Variants in PHACTR1 observed in about 807,000 individuals in gnomAD.
PHACTR1 encodes the protein phosphatase and actin regulator 1.
Under a neutral mutation model 69.2 loss-of-function variants are expected in PHACTR1, and 16 were observed. The ratio of observed to expected loss-of-function variants is 0.23; its 90% CI spans 0.16 to 0.35. The LOEUF (loss-of-function observed/expected upper bound fraction) is 0.35, where lower values mean the gene tolerates loss of function less well. Ranked by LOEUF, PHACTR1 falls within the 10% of genes least tolerant of loss-of-function variation. PHACTR1 has a pLI of 1.00. For synonymous variants in PHACTR1, 312 were observed against 284.5 expected (o/e 1.10, Z -0.97); for missense variants, 510 against 734.7 (o/e 0.69, Z 3.54).
chr6:12,818,442 G>A (rs1311478377), intron 4 of PHACTR1, among the ~76,000 whole-genome samples: 1 of 152,126 alleles, frequency 6.6e-6, no homozygotes, highest in East Asian at 1.9e-4. Flanking sequence ...GCTACAGAGG[G>A]CAAACTCCAG....
chr6:12,827,972 G>A (rs2127721946), intron 4 of PHACTR1, among the ~76,000 whole-genome samples: 1 of 152,192 alleles, frequency 6.6e-6, no homozygotes, highest in Admixed American at 6.5e-5. Flanking sequence ...TTGGTTTTCA[G>A]CAATTGTTTA....
intron 4 of PHACTR1, among the ~76,000 whole-genome samples, chr6:12,943,312 A>G (rs1287108599): frequency 1.3e-5 from 2 of 152,354 alleles, no homozygotes; most frequent in East Asian, 3.9e-4. Flanking sequence ...AGGCAAATTC[A>G]CAGAGACAGG....
At chr6:12,720,482 A>C (rs1444494450) in intron 3 of PHACTR1, among the ~76,000 whole-genome samples, 1 of 152,182 alleles carries the variant, frequency 6.6e-6, no homozygotes, top group Admixed American at 6.5e-5. Flanking sequence ...TCTGGTTTTC[A>C]GCAGATGGAG....
intron 3 of PHACTR1, among the ~76,000 whole-genome samples, chr6:12,724,397 A>G (rs964421988): frequency 2.6e-5 from 4 of 152,204 alleles, no homozygotes; most frequent in African/African-American, 9.6e-5. Flanking sequence ...TTGTATATTC[A>G]TTGTATCTGT....
chr6:12,814,423 A>G (rs949463796), intron 4 of PHACTR1, among the ~76,000 whole-genome samples: 1 of 152,226 alleles, frequency 6.6e-6, no homozygotes, highest in Admixed American at 6.5e-5. Flanking sequence ...GACGCTCCAA[A>G]AATGTCTCTT....
chr6:12,950,776 C>T (rs1383347778), intron 4 of PHACTR1, among the ~76,000 whole-genome samples: 3 of 152,168 alleles, frequency 2.0e-5, no homozygotes, highest in Admixed American at 6.5e-5. Flanking sequence ...CCCCAGTTTA[C>T]GAAACAGAGG....
rs114894892 is a variant in PHACTR1, at chr6:13,253,184, G to A, written c.1392-19676G>A. The A allele has an allele frequency of 3.3e-3, 979 of 300,966 alleles. 8 individuals are homozygous for A. Among genetic ancestry groups the A allele is most frequent in the African/African-American group, 0.018 (860 of 46,644 alleles). The allele number at this position is 300,966 out of a possible 1,614,324, so 18.6% of individuals were successfully genotyped here. On this transcript the variant is annotated intron_variant, in intron 10 of 14. Coordinates refer to ENST00000332995, the MANE Select transcript of PHACTR1 (RefSeq NM_030948.6). The stretch of plus-strand genomic sequence containing the variant: ...CCAAAATGAGAGATTGGCCCTTTGC[G>A]GGTGACATTTAAAACACATGAGCTG...
chr6:13,286,762 G>A (rs2127502062), intron 14 of PHACTR1, among the ~76,000 whole-genome samples: 1 of 152,354 alleles, frequency 6.6e-6, no homozygotes, highest in South Asian at 2.1e-4. Context: ...TTCTTTTGGG[G>A]GGAACATTTA....
At chr6:13,050,978 A>T (rs956488488) in intron 4 of PHACTR1, among the ~76,000 whole-genome samples, 1 of 151,954 alleles carries the variant, frequency 6.6e-6, no homozygotes, top group Admixed American at 6.6e-5. Context: ...AGTTACTGTG[A>T]TTGCAGTGTC....
chr6:12,757,875 G>A (rs970229961), intron 4 of PHACTR1, among the ~76,000 whole-genome samples: 7 of 152,092 alleles, frequency 4.6e-5, no homozygotes, highest in Admixed American at 2.6e-4. Context: ...ACCTTAGGAG[G>A]CCAAGGTGGG....
At chr6:12,758,229 G>T (rs1398835916) in intron 4 of PHACTR1, among the ~76,000 whole-genome samples, 2 of 152,108 alleles carry the variant, frequency 1.3e-5, no homozygotes, top group Non-Finnish European at 2.9e-5. Flanking sequence ...CAGATTACAA[G>T]GTCAGGAATT....
chr6:12,734,406 A>G (rs746008344), intron 3 of PHACTR1, among the ~76,000 whole-genome samples: 1 of 152,188 alleles, frequency 6.6e-6, no homozygotes, highest in African/African-American at 2.4e-5. Flanking sequence ...TACTGCTTGA[A>G]TTATATGCCT....
intron 3 of PHACTR1, among the ~76,000 whole-genome samples, chr6:12,731,701 T>G (rs1259654327): frequency 1.3e-5 from 2 of 152,200 alleles, no homozygotes; most frequent in African/African-American, 4.8e-5. Flanking sequence ...AATAATCAAG[T>G]GACTTCCCAA....
Position 13,251,125 on chromosome 6 carries a change from C to T in PHACTR1, c.1391+20932C>T, listed in dbSNP as rs539176341. 4.6e-5 allele frequency among the ~76,000 whole-genome samples: 7 copies of T among 152,288 alleles called. No homozygotes were observed. In the East Asian group the frequency reaches 1.4e-3, roughly 29 times the overall value. ...CACCTGAGAAGGGCAGCTTTCAGGG[C>T]CCCGAGTGGCTGTGTGTCCCTGTCT... On this transcript the variant is annotated intron_variant, in intron 10 of 14. Coordinates refer to ENST00000332995, the MANE Select transcript of PHACTR1 (RefSeq NM_030948.6).
At chr6:12,797,180 T>C (rs193267826) in intron 4 of PHACTR1, among the ~76,000 whole-genome samples, 3 of 152,028 alleles carry the variant, frequency 2.0e-5, no homozygotes, top group Non-Finnish European at 4.4e-5. Flanking sequence ...CGGGACAGAT[T>C]GATAACATGA....
chr6:12,886,065 A>G (rs1054521725), intron 4 of PHACTR1, among the ~76,000 whole-genome samples: 1 of 152,218 alleles, frequency 6.6e-6, no homozygotes, highest in Non-Finnish European at 1.5e-5. Flanking sequence ...ATTCCACTCC[A>G]GCGTGGGTGA....
chr6:13,162,143 A>C (rs1462212336), intron 6 of PHACTR1, among the ~76,000 whole-genome samples: 2 of 151,810 alleles, frequency 1.3e-5, no homozygotes, highest in Non-Finnish European at 2.9e-5. Context: ...TCTGTCGCCC[A>C]GGCTGGAGTG....
intron 10 of PHACTR1, among the ~76,000 whole-genome samples, chr6:13,238,318 CTCT>C (rs890904137): frequency 6.6e-6 from 1 of 152,162 alleles, no homozygotes; most frequent in Non-Finnish European, 1.5e-5. Context: ...GAAATTCTTC[CTCT>C]TTTCTCTCCT....
Position 13,218,837 on chromosome 6 carries a change from G to A in PHACTR1, c.987-8979G>A, listed in dbSNP as rs150505186. Among the ~76,000 whole-genome samples, 778 of 141,390 alleles carry A rather than the reference G, an allele frequency of 5.5e-3. 6 individuals are homozygous for A. Among genetic ancestry groups the A allele is most frequent in the African/African-American group, 0.02 (736 of 36,790 alleles). The allele number at this position is 141,390 out of a possible 152,430, so 92.8% of individuals were successfully genotyped here. On this transcript the variant is annotated intron_variant, in intron 8 of 14. Coordinates refer to ENST00000332995, the MANE Select transcript of PHACTR1 (RefSeq NM_030948.6). Reference sequence around the variant, plus strand: ...AGGAGGAGGAGGAGGAGAAAAAGAGGAGGAGGAGGAGGAGGAAAGAGAAGA... The same window carrying A: ...AGGAGGAGGAGGAGGAGAAAAAGAGAAGGAGGAGGAGGAGGAAAGAGAAGA...
Sources: gnomAD v4.1 joint callset for allele counts (sites outside exome capture counted in the v4.1 genomes callset) on GRCh38, gnomAD v4.1.1 for gene constraint, MANE v1.5 for transcripts, NCBI Gene and HGNC (gene_info 2026-07-23, HGNC 2026-07-21) for gene names.